The following TSEN2 variants were observed in gnomAD, a reference collection of about 807,000 sequenced individuals.
TSEN2 encodes the protein tRNA splicing endonuclease subunit 2.
TSEN2 carries 54 observed loss-of-function variants against 59.2 expected under a neutral mutation model. The ratio of observed to expected loss-of-function variants is 0.91; its 90% confidence interval spans 0.73 to 1.14. TSEN2 has a LOEUF of 1.14. TSEN2 is among the 50% of genes most tolerant of loss of function. TSEN2 has a pLI of 0.00. For synonymous variants in TSEN2, 195 were observed against 198.2 expected, an observed-to-expected ratio of 0.98 and a Z score of 0.14; for missense variants, 636 against 576.2, an observed-to-expected ratio of 1.10 and a Z score of -1.06.
At chr3:12,529,143 T>C (rs1338880552) in intron 9 of TSEN2, among the ~76,000 whole-genome samples, 1 of 152,230 alleles carries the variant, frequency 6.6e-6, no homozygotes, top group African/African-American at 2.4e-5. Flanking sequence ...TGTTAAACAC[T>C]GAGTTAATCT....
At chr3:12,528,248 C>T (rs551329847) in intron 8 of TSEN2, among the ~76,000 whole-genome samples, 6 of 152,286 alleles carry the variant, frequency 3.9e-5, no homozygotes, top group African/African-American at 1.4e-4. Flanking sequence ...ATGAATTTTA[C>T]ACCTCTCAGT....
In TSEN2 at chr3:12,532,852, A is replaced by C. The variant is rs901582015; in HGVS notation, c.*131A>C. The C allele has an allele frequency of 1.4e-5, 12 of 843,236 alleles. No individual in the cohort carries two copies. Among genetic ancestry groups the C allele is most frequent in the Non-Finnish European group, 2.3e-5 (12 of 513,312 alleles). 52.2% of individuals were successfully genotyped at this position (843,236 alleles called of 1,614,324 possible). On this transcript the variant is annotated 3_prime_UTR_variant, in exon 12 of 12. Coordinates refer to ENST00000284995, the MANE Select transcript of TSEN2 (RefSeq NM_025265.4). ...ATGGTGCTCCCAGCACCAGAAAACT[A>C]TCAGTGTTTTTAAAGATAAATTACA...
rs550204844 is a variant in TSEN2, at chr3:12,529,063, C to T, written c.1136+139C>T. ...TACGAATAGATGCTATATGTTCATG[C>T]CTCCTTACACACTAATGTCATTATA... On this transcript the variant is annotated intron_variant, in intron 9 of 11. Transcript: ENST00000284995. The T allele has an allele frequency of 2.9e-4, 238 of 811,814 alleles. 3 individuals carry two copies. In the South Asian group the frequency reaches 3.2e-3, roughly 11 times the overall value. 50.3% of individuals were successfully genotyped at this position (811,814 alleles called of 1,614,324 possible).
In TSEN2 at chr3:12,509,209, T is replaced by TG. The variant is rs200572396; in HGVS notation, c.909+3978_909+3979insG. 1.0e-3 allele frequency among the ~76,000 whole-genome samples: 149 copies of TG among 148,640 alleles called. 1 individual carries two copies. Among genetic ancestry groups the TG allele is most frequent in the African/African-American group, 6.2e-4 (25 of 40,638 alleles). On this transcript the variant is annotated intron_variant, in intron 6 of 11. Coordinates refer to ENST00000284995, the MANE Select transcript of TSEN2 (RefSeq NM_025265.4). ...TTTTTTTGGTTTTTTTTGTTGTTGT[T>TG]TTTTTTTTTGAGACAGGGTCTCGCT...
intron 1 of TSEN2, among the ~76,000 whole-genome samples, chr3:12,486,486 G>A (rs910965052): frequency 2.0e-5 from 3 of 152,198 alleles, no homozygotes; most frequent in African/African-American, 7.2e-5. Flanking sequence ...GCTGGTATCT[G>A]TGAAGTCATT....
Position 12,503,306 on chromosome 3 carries a change from A to G in TSEN2, c.353A>G (p.Gln118Arg), listed in dbSNP as rs1375012942. 2 of 1,614,002 alleles carry G rather than the reference A, an allele frequency of 1.2e-6. No individual in the cohort carries two copies. The highest frequency in any genetic ancestry group is 1.7e-6 in the Non-Finnish European group (2 of 1,179,960). The change falls in exon 5 of 12, where the codon CAG becomes CGG. Residue 118 changes from glutamine (Q) to arginine (R), a missense_variant. By Grantham distance (43) the Gln-to-Arg change is conservative. Coordinates refer to ENST00000284995, the MANE Select transcript of TSEN2 (RefSeq NM_025265.4). The stretch of plus-strand genomic sequence containing the variant: ...TGGGCAGCAGAGCTGATGCGTAGAC[A>G]GGGGCAGGATGAGAGTACAGTGCGC... ...VEWAAELMRR[Q>R]GQDESTVRRI...
At chr3:12,514,706 G>C (rs1039938561) in intron 6 of TSEN2, 1 of 152,092 alleles carries the variant, frequency 6.6e-6, no homozygotes, top group African/African-American at 2.4e-5. Context: ...AATAATAATA[G>C]TGATGTCTTC....
intron 3 of TSEN2, among the ~76,000 whole-genome samples, chr3:12,495,850 C>G (rs966317205): frequency 4.6e-5 from 7 of 152,206 alleles, no homozygotes; most frequent in African/African-American, 1.7e-4. Context: ...ACCTGATAAA[C>G]ATTTCGGTTG....
rs376562686 is a variant in TSEN2 at position 12,505,243 on chromosome 3, A to C, written c.909+12A>C. 2.6e-5 allele frequency: 40 copies of C among 1,562,460 alleles called. No homozygotes were observed. In the African/African-American group the frequency reaches 3.3e-4, roughly 13 times the overall value. ...TCAGCCTAGAAGAGGTATGTTTTCA[A>C]CATATTATTATTTCAGCCATCGGTC... On this transcript the variant is annotated intron_variant, in intron 6 of 11. Transcript: ENST00000284995.
At chr3:12,528,690 A>T (rs1486944839) in intron 8 of TSEN2, among the ~76,000 whole-genome samples, 198 bp from the exon 9 acceptor site, 1 of 152,242 alleles carries the variant, frequency 6.6e-6, no homozygotes, top group East Asian at 1.9e-4. Context: ...ACTGCACTCC[A>T]GCCTGAGTGA....
At chr3:12,485,454 C>T (rs2052515466) in intron 1 of TSEN2, among the ~76,000 whole-genome samples, 1 of 152,068 alleles carries the variant, frequency 6.6e-6, no homozygotes, top group South Asian at 2.1e-4. Context: ...GGGGTGCGCC[C>T]GGCCCCTCCG....
At chr3:12,529,319 T>C (rs1367518203) in intron 9 of TSEN2, among the ~76,000 whole-genome samples, 1 of 151,964 alleles carries the variant, frequency 6.6e-6, no homozygotes, top group East Asian at 1.9e-4. Flanking sequence ...CCAAAAAAAT[T>C]AGCTGGGCAT....
At chr3:12,506,324 A>G (rs1319301900) in intron 6 of TSEN2, among the ~76,000 whole-genome samples, 4 of 151,768 alleles carry the variant, frequency 2.6e-5, no homozygotes, top group African/African-American at 9.7e-5. Flanking sequence ...GCCTGGTGCC[A>G]TGGCTCACAC....
intron 3 of TSEN2, among the ~76,000 whole-genome samples, chr3:12,496,263 C>T (rs2124991076): frequency 6.6e-6 from 1 of 152,334 alleles, no homozygotes; most frequent in Admixed American, 6.5e-5. Flanking sequence ...TTAGCTGGAG[C>T]CCTGAGTTGA....
At chr3:12,504,225 G>T (rs759860195) in intron 5 of TSEN2, among the ~76,000 whole-genome samples, 4 of 152,100 alleles carry the variant, frequency 2.6e-5, no homozygotes, top group Admixed American at 1.3e-4. Context: ...TGCTAAATGG[G>T]ATATGAGATA....
intron 8 of TSEN2, among the ~76,000 whole-genome samples, chr3:12,522,000 C>CTT (rs1294557624): frequency 6.6e-6 from 1 of 152,042 alleles, no homozygotes; most frequent in Non-Finnish European, 1.5e-5. Flanking sequence ...CAGAGTGAGA[C>CTT]TGTCTCAAAA....
intron 10 of TSEN2, chr3:12,538,922 A>G (rs997146171): frequency 3.4e-6 from 1 of 295,516 alleles, no homozygotes; most frequent in African/African-American, 2.3e-5. Context: ...TGTAGCAGCA[A>G]ACCCAACCCC....
At chr3:12,488,389 G>T (rs1265063626) in intron 1 of TSEN2, among the ~76,000 whole-genome samples, 1 of 152,224 alleles carries the variant, frequency 6.6e-6, no homozygotes, top group African/African-American at 2.4e-5. Flanking sequence ...AGTACTGGGG[G>T]AGCAGCAGAT....
In TSEN2 at chr3:12,507,337, C is replaced by A. The variant is rs527525739; in HGVS notation, c.909+2106C>A. Among the ~76,000 whole-genome samples, 74 of 152,350 alleles carry A rather than the reference C, an allele frequency of 4.9e-4. No individual in the cohort carries two copies. The Middle Eastern group carries it at 0.014, about 28-fold the overall frequency. ...TAGGCATTCCCAGCACTGTGGAGCG[C>A]TTTATAGCCCACATGTACCCGTTCT... On this transcript the variant is annotated intron_variant, in intron 6 of 11. Coordinates refer to ENST00000284995, the MANE Select transcript of TSEN2 (RefSeq NM_025265.4).
Sources: allele counts gnomAD v4.1 joint callset (sites outside exome capture counted in the v4.1 genomes callset), GRCh38; gene constraint gnomAD v4.1.1; transcripts MANE v1.5; gene names NCBI Gene and HGNC (gene_info 2026-07-23, HGNC 2026-07-21).